The following IL19 variants were observed in gnomAD, a reference collection of about 807,000 sequenced individuals.
IL19 encodes the protein interleukin 19, also known as interleukin-19.
IL19 carries 15 observed loss-of-function variants against 19.5 expected under a neutral mutation model. That is an observed-to-expected ratio of 0.77 (90% CI 0.52 to 1.19). The LOEUF is 1.19. IL19 is among the 50% of genes most tolerant of loss of function. The probability of loss-of-function intolerance (pLI) is 0.00; values close to 1 mark genes in which losing one functional copy is unlikely to be tolerated. For synonymous variants in IL19, 78 were observed against 78.3 expected (o/e 1.00, Z 0.02); for missense variants, 199 against 213.1 (o/e 0.93, Z 0.41).
At position 206,772,540 on chromosome 1, in the gene IL19, G is replaced by A. The variant is rs1015627351; in HGVS notation, c.-149+1462G>A. 3.4e-5 allele frequency: 37 copies of A among 1,073,158 alleles called. 1 individual carries two copies. Among genetic ancestry groups the A allele is most frequent in the East Asian group, 7.4e-5 (3 of 40,728 alleles). 66.5% of individuals were successfully genotyped at this position (1,073,158 alleles called of 1,614,324 possible). A position where few individuals can be genotyped will look rare whatever the true frequency, so the allele number is the denominator to read the frequency against. ...CCCTTTTATATTGTAAGCTCAGGGA[G>A]GCCTCTTCATTCATTAAAAAGCCAC... On this transcript the variant is annotated intron_variant, in intron 1 of 6. Coordinates refer to ENST00000659997, the MANE Select transcript of IL19 (RefSeq NM_153758.5).
intron 1 of IL19, among the ~76,000 whole-genome samples, chr1:206,784,933 C>G (rs538963049): frequency 6.6e-6 from 1 of 152,246 alleles, no homozygotes; most frequent in South Asian, 2.1e-4. Flanking sequence ...TAATAAATTC[C>G]CTTGAGAGAG....
intron 1 of IL19, among the ~76,000 whole-genome samples, chr1:206,772,915 C>A (rs955485704): frequency 6.6e-6 from 1 of 152,162 alleles, no homozygotes; most frequent in Admixed American, 6.5e-5. Context: ...GGGATGAATA[C>A]CCAAGACTTC....
At chr1:206,839,486 C>T (rs1676923506) in intron 4 of IL19, among the ~76,000 whole-genome samples, 1 of 151,792 alleles carries the variant, frequency 6.6e-6, no homozygotes, top group Admixed American at 6.6e-5. Context: ...GAAAGCTGCT[C>T]AGCCATCAGT....
chr1:206,838,887 G>A (rs1447877682), intron 4 of IL19, among the ~76,000 whole-genome samples: 1 of 151,968 alleles, frequency 6.6e-6, no homozygotes, highest in African/African-American at 2.4e-5. Context: ...ATAGTGCAGA[G>A]GGGTGTAACA....
chr1:206,771,342 G>A (rs779987907), intron 1 of IL19: 22 of 1,610,564 alleles, frequency 1.4e-5, no homozygotes, highest in Middle Eastern at 1.7e-4. Flanking sequence ...CCAGCACCCC[G>A]CCCCTGCTCT....
At chr1:206,792,181 A>G (rs1265702731) in intron 1 of IL19, among the ~76,000 whole-genome samples, 4 of 152,222 alleles carry the variant, frequency 2.6e-5, no homozygotes, top group Admixed American at 1.3e-4. Flanking sequence ...TCCACCCTGG[A>G]AATAGTATAC....
intron 2 of IL19, 31 bp from the exon 3 acceptor site, chr1:206,836,630 C>G (rs1483056412): frequency 1.3e-6 from 2 of 1,576,614 alleles, no homozygotes; most frequent in South Asian, 1.2e-5. Flanking sequence ...CCACTCTTGG[C>G]TGGACAGCTG....
intron 2 of IL19, chr1:206,833,896 T>C: frequency 1.0e-6 from 1 of 985,502 alleles, no homozygotes; most frequent in South Asian, 4.7e-5. Flanking sequence ...TGGCAGACAC[T>C]CATAGCTGCC....
Position 206,779,627 on chromosome 1 carries a change from A to T in IL19, c.-149+8549A>T, listed in dbSNP as rs79739746. The stretch of plus-strand genomic sequence containing the variant: ...GTAATTATTTCCAAGCACCAATCTG[A>T]TCATGACTCTGTTGCTACTTGAACC... On this transcript the variant is annotated intron_variant, in intron 1 of 6. Transcript: ENST00000659997. Among the ~76,000 whole-genome samples, 1,269 of 152,234 alleles carry T rather than the reference A, an allele frequency of 8.3e-3. 14 individuals carry two copies. The highest frequency in any genetic ancestry group is 0.029 in the African/African-American group (1,219 of 41,546).
intron 1 of IL19, chr1:206,772,497 A>G: frequency 6.9e-7 from 1 of 1,453,594 alleles, no homozygotes; most frequent in Non-Finnish European, 9.6e-7. Flanking sequence ...TGATGTGTAG[A>G]CCTTCACCTC....
intron 2 of IL19, among the ~76,000 whole-genome samples, chr1:206,808,042 T>C (rs757978618): frequency 2.0e-5 from 3 of 152,182 alleles, no homozygotes; most frequent in Admixed American, 6.5e-5. Context: ...CCATAAAAAT[T>C]GATATAGGCC....
chr1:206,786,547 T>C (rs749561292), intron 1 of IL19, among the ~76,000 whole-genome samples: 1 of 152,152 alleles, frequency 6.6e-6, no homozygotes, highest in Non-Finnish European at 1.5e-5. Flanking sequence ...GGGCTGCTGT[T>C]TCATTTCAGG....
chr1:206,799,812 T>A (rs1005816843), intron 2 of IL19, among the ~76,000 whole-genome samples: 23 of 152,364 alleles, frequency 1.5e-4, no homozygotes, highest in Non-Finnish European at 3.1e-4. Context: ...GTTAAATGGC[T>A]TGTCCTCTGT....
chr1:206,820,981 C>T (rs1026058529), intron 2 of IL19, among the ~76,000 whole-genome samples: 13 of 152,338 alleles, frequency 8.5e-5, no homozygotes, highest in Middle Eastern at 3.4e-3. Context: ...TATCCCCTGC[C>T]CCCACACAAC....
At chr1:206,820,706 C>T (rs965547686) in intron 2 of IL19, among the ~76,000 whole-genome samples, 11 of 152,216 alleles carry the variant, frequency 7.2e-5, no homozygotes, top group Admixed American at 1.3e-4. Flanking sequence ...TTTACTGTGG[C>T]ATTGGCTGAG....
intron 1 of IL19, among the ~76,000 whole-genome samples, chr1:206,794,404 G>T (rs1484577915): frequency 1.3e-5 from 2 of 151,998 alleles, no homozygotes; most frequent in African/African-American, 4.8e-5. Flanking sequence ...CATGACTCCT[G>T]CCCTGCCTCC....
At chr1:206,811,446 A>G (rs1312581424) in intron 2 of IL19, among the ~76,000 whole-genome samples, 2 of 72,150 alleles carry the variant, frequency 2.8e-5, no homozygotes, top group African/African-American at 1.2e-4. Flanking sequence ...TCCGTCTCAA[A>G]AAAAAAAAAA....
chr1:206,787,797 T>C (rs1229997527), intron 1 of IL19, among the ~76,000 whole-genome samples: 1 of 152,206 alleles, frequency 6.6e-6, no homozygotes, highest in Non-Finnish European at 1.5e-5. Flanking sequence ...CTGGTGGCTT[T>C]TCTCAGAACC....
chr1:206,819,184 T>C (rs1266507752), intron 2 of IL19, among the ~76,000 whole-genome samples: 1 of 152,160 alleles, frequency 6.6e-6, no homozygotes, highest in Non-Finnish European at 1.5e-5. Flanking sequence ...CAAGCAATCC[T>C]CCTGTCTCAG....
Sources: gnomAD v4.1 joint callset for allele counts (sites outside exome capture counted in the v4.1 genomes callset) on GRCh38, gnomAD v4.1.1 for gene constraint, MANE v1.5 for transcripts, NCBI Gene and HGNC (gene_info 2026-07-23, HGNC 2026-07-21) for gene names.